SCAMP1: variants seen among roughly 807,000 people sequenced by gnomAD.
SCAMP1 encodes the protein secretory carrier-associated membrane protein 1.
Under a neutral mutation model 41.8 loss-of-function variants are expected in SCAMP1, and 15 were observed. That is an observed-to-expected ratio of 0.36 (90% CI 0.24 to 0.55). The LOEUF (loss-of-function observed/expected upper bound fraction) is 0.55. Ranked by LOEUF, SCAMP1 falls within the 20% of genes least tolerant of loss-of-function variation. The pLI is 0.86. For missense variants in SCAMP1, 341 were observed against 412.6 expected (o/e 0.83, Z 1.50); for synonymous variants, 135 against 136.8 (o/e 0.99, Z 0.09).
intron 1 of SCAMP1, among the ~76,000 whole-genome samples, chr5:78,377,168 A>G (rs1014632758): frequency 6.6e-6 from 1 of 152,158 alleles, no homozygotes; most frequent in East Asian, 1.9e-4. Flanking sequence ...TCTGTAACAC[A>G]AAGTCATTTC....
At chr5:78,390,542 T>C (rs1751461017) in intron 2 of SCAMP1, among the ~76,000 whole-genome samples, 1 of 152,218 alleles carries the variant, frequency 6.6e-6, no homozygotes, top group Admixed American at 6.5e-5. Flanking sequence ...AAAGAAGAGC[T>C]GGCAAATTAT....
chr5:78,379,846 C>T (rs1440499743), intron 1 of SCAMP1, among the ~76,000 whole-genome samples: 1 of 152,184 alleles, frequency 6.6e-6, no homozygotes, highest in Non-Finnish European at 1.5e-5. Context: ...ATTCATCTTT[C>T]TGATCCTACA....
At chr5:78,439,575 G>C (rs190631813) in intron 6 of SCAMP1, among the ~76,000 whole-genome samples, 3 of 152,140 alleles carry the variant, frequency 2.0e-5, no homozygotes, top group Admixed American at 1.3e-4. Context: ...GGTTTTTGCC[G>C]AGAGATCTGC....
intron 6 of SCAMP1, among the ~76,000 whole-genome samples, chr5:78,424,167 C>T (rs947360192): frequency 3.3e-5 from 5 of 151,760 alleles, no homozygotes; most frequent in African/African-American, 1.2e-4. Flanking sequence ...TGAGCCACTG[C>T]GCCCAGCCTC....
chr5:78,394,154 G>C, intron 2 of SCAMP1, among the ~76,000 whole-genome samples: 1 of 152,152 alleles, frequency 6.6e-6, no homozygotes, highest in Non-Finnish European at 1.5e-5. Context: ...GGTATGCCCA[G>C]ATGGTCATCT....
chr5:78,361,025 G>GC (rs911136773), intron 1 of SCAMP1: 28 of 361,230 alleles, frequency 7.8e-5, no homozygotes, highest in Non-Finnish European at 1.4e-4. Context: ...AGGGGTCCTG[G>GC]CCCGCCTCTC....
intron 2 of SCAMP1, among the ~76,000 whole-genome samples, chr5:78,395,653 G>A (rs966117082): frequency 6.6e-6 from 1 of 152,150 alleles, no homozygotes; most frequent in Non-Finnish European, 1.5e-5. Flanking sequence ...ATATCCTGGT[G>A]GTCGTATGAC....
At chr5:78,396,995 C>T (rs11743511) in intron 2 of SCAMP1, among the ~76,000 whole-genome samples, 115,379 of 152,080 alleles carry the variant, frequency 0.76, 44,370 homozygotes, top group African/African-American at 0.84. Context: ...GACAACTCTT[C>T]ATAGGATTTT....
chr5:78,419,522 A>T (rs1164237024), intron 5 of SCAMP1, among the ~76,000 whole-genome samples: 3 of 152,226 alleles, frequency 2.0e-5, no homozygotes, highest in African/African-American at 7.2e-5. Context: ...CAAAATGTCA[A>T]GCCGTTAACA....
intron 1 of SCAMP1, among the ~76,000 whole-genome samples, chr5:78,366,167 G>A (rs1287438199): frequency 2.9e-5 from 4 of 140,168 alleles, no homozygotes; most frequent in African/African-American, 5.2e-5. Context: ...TTTTTGAGAC[G>A]GAGTCTTGCT....
At chr5:78,433,463 G>C (rs139223967) in intron 6 of SCAMP1, among the ~76,000 whole-genome samples, 1 of 152,154 alleles carries the variant, frequency 6.6e-6, no homozygotes, top group Non-Finnish European at 1.5e-5. Flanking sequence ...TAGGCTTTTA[G>C]TGTATGGATG....
intron 2 of SCAMP1, among the ~76,000 whole-genome samples, chr5:78,391,417 C>G (rs1440688900): frequency 6.6e-6 from 1 of 151,538 alleles, no homozygotes; most frequent in Non-Finnish European, 1.5e-5. Context: ...GGCTGACCCC[C>G]CCACCTCCCT....
intron 6 of SCAMP1, among the ~76,000 whole-genome samples, chr5:78,442,404 G>T (rs753510591): frequency 2.6e-5 from 4 of 152,084 alleles, no homozygotes; most frequent in Non-Finnish European, 5.9e-5. Flanking sequence ...CTGAGTAGGT[G>T]TCCACAACCA....
intron 8 of SCAMP1, among the ~76,000 whole-genome samples, chr5:78,460,937 T>G (rs1011556526): frequency 1.3e-5 from 2 of 151,408 alleles, no homozygotes; most frequent in Admixed American, 6.6e-5. Context: ...CTCATTGCAA[T>G]CTCCACCTCC....
At chr5:78,441,900 G>A (rs941951242) in intron 6 of SCAMP1, among the ~76,000 whole-genome samples, 4 of 152,182 alleles carry the variant, frequency 2.6e-5, no homozygotes, top group African/African-American at 9.7e-5. Flanking sequence ...GAGGCCAAGA[G>A]GAGAGGATTG....
At chr5:78,462,977 A>G (rs945030232) in intron 8 of SCAMP1, among the ~76,000 whole-genome samples, 5 of 151,866 alleles carry the variant, frequency 3.3e-5, no homozygotes, top group Admixed American at 6.6e-5. Flanking sequence ...ACTTGAGACT[A>G]TGTATGAGGA....
chr5:78,437,868 A>G (rs1020140237), intron 6 of SCAMP1, among the ~76,000 whole-genome samples: 1 of 152,184 alleles, frequency 6.6e-6, no homozygotes, highest in Non-Finnish European at 1.5e-5. Flanking sequence ...TTGGTAGGCT[A>G]TTAATTATTG....
intron 7 of SCAMP1, among the ~76,000 whole-genome samples, chr5:78,457,195 A>T (rs997712137): frequency 6.6e-6 from 1 of 152,084 alleles, no homozygotes; most frequent in African/African-American, 2.4e-5. Flanking sequence ...CGTCAAAGTC[A>T]TTCTCCATCC....
At chr5:78,426,716 C>A (rs894588635) in intron 6 of SCAMP1, among the ~76,000 whole-genome samples, 2 of 152,210 alleles carry the variant, frequency 1.3e-5, no homozygotes, top group Non-Finnish European at 2.9e-5. Context: ...CATTTGCACA[C>A]AATTCTCATT....
Sources: gnomAD v4.1 joint callset for allele counts (sites outside exome capture counted in the v4.1 genomes callset) on GRCh38, gnomAD v4.1.1 for gene constraint, MANE v1.5 for transcripts, NCBI Gene and HGNC (gene_info 2026-07-23, HGNC 2026-07-21) for gene names.